The following PLEKHN1 variants were observed in gnomAD, a reference collection of about 807,000 sequenced individuals.
PLEKHN1 encodes pleckstrin homology domain-containing family N member 1.
PLEKHN1 carries 68 observed loss-of-function variants against 72.8 expected under a neutral mutation model. That is an observed-to-expected ratio of 0.93 (90% CI 0.77 to 1.14). The LOEUF is 1.14. Ranked by LOEUF, PLEKHN1 falls within the 50% of genes most tolerant of loss-of-function variation. PLEKHN1 has a pLI of 0.00. For missense variants in PLEKHN1, 1,015 were observed against 840.5 expected (o/e 1.21, Z -2.57); for synonymous variants, 454 against 371.6 (o/e 1.22, Z -2.55).
Position 972,118 on chromosome 1 carries a change from A to G in PLEKHN1, c.833A>G (p.Lys278Arg). 6.2e-7 allele frequency: 1 copy of G among 1,613,126 alleles called. No homozygotes were observed. Among genetic ancestry groups the G allele is most frequent in the Non-Finnish European group, 8.5e-7 (1 of 1,179,894 alleles). The change falls in exon 9 of 16, where the codon AAG becomes AGG. Residue 278 changes from lysine (K) to arginine (R), a missense_variant. Coordinates refer to ENST00000379410, the MANE Select transcript of PLEKHN1 (RefSeq NM_032129.3). ...GCCGTCCACATCAACCTGGAGGAGA[A>G]GGAGAAGCAGATCCGCTCCTTCCTG... ...LRAVHINLEEKEKQIRSFLIE... is the reference protein window; with the variant it reads ...LRAVHINLEEREKQIRSFLIE...
Position 975,636 on chromosome 1 carries a change from G to C in PLEKHN1, c.*1061G>C, listed in dbSNP as rs1415287144. Reference sequence around the variant, plus strand: ...GTGATGGGCCTTGGAGCCCTTGCCAGCCCAGCCCACCTGTGAGGAGGCTGC... The same window carrying C: ...GTGATGGGCCTTGGAGCCCTTGCCACCCCAGCCCACCTGTGAGGAGGCTGC... On this transcript the variant is annotated 3_prime_UTR_variant, in exon 16 of 16. Transcript: ENST00000379410. 1 of 154,874 alleles carries C rather than the reference G, an allele frequency of 6.5e-6. No individual in the cohort carries two copies. The highest frequency in any genetic ancestry group is 1.4e-5 in the Non-Finnish European group (1 of 69,882). 9.6% of individuals were successfully genotyped at this position (154,874 alleles called of 1,614,324 possible). A position where few individuals can be genotyped will look rare whatever the true frequency, so the allele number is the denominator to read the frequency against.
rs141372734 is a variant in PLEKHN1 at position 974,483 on chromosome 1, C to T, written c.1744C>T (p.His582Tyr). ...PRRSRDPGYD[H>Y]LWDETLSSSH... is the part of the protein sequence containing the mutation. ...GAGGAGCCGGGACCCCGGCTACGAC[C>T]ACCTCTGGGACGAGACTTTGTCTTC... The change falls in exon 16 of 16, where the codon CAC becomes TAC. Residue 582 changes from histidine to tyrosine, a missense_variant. His to Tyr is a moderately conservative substitution (Grantham distance 83, BLOSUM62 2). Coordinates refer to ENST00000379410, the MANE Select transcript of PLEKHN1 (RefSeq NM_032129.3). 255 of 1,612,662 alleles carry T rather than the reference C, an allele frequency of 1.6e-4. No individual in the cohort carries two copies. Among genetic ancestry groups the T allele is most frequent in the Non-Finnish European group, 2.1e-4 (246 of 1,179,956 alleles).
chr1:975,537 G>A lies in PLEKHN1; in HGVS notation c.*962G>A, dbSNP rs922168912. On this transcript the variant is annotated 3_prime_UTR_variant, in exon 16 of 16. Transcript: ENST00000379410. ...CCTGCAGGGGCTGCTGCACTGGGGAGGGGCAGGCAGAGCCTTCGCTGTCTC... is the reference window on the plus strand; with the variant it reads ...CCTGCAGGGGCTGCTGCACTGGGGAAGGGCAGGCAGAGCCTTCGCTGTCTC... The A allele has an allele frequency of 6.6e-6, 1 of 152,412 alleles. No homozygotes were observed. The highest frequency in any genetic ancestry group is 2.4e-5 in the African/African-American group (1 of 41,466). 9.4% of individuals were successfully genotyped at this position (152,412 alleles called of 1,614,324 possible).
chr1:970,917 C>T lies in PLEKHN1; in HGVS notation c.523C>T (p.Arg175Trp), dbSNP rs535035223. The T allele has an allele frequency of 2.0e-5, 32 of 1,610,754 alleles. No individual in the cohort carries two copies. Among genetic ancestry groups the T allele is most frequent in the Middle Eastern group, 3.3e-4 (2 of 6,048 alleles). ...ACCCCTCCTGGTGCTCTGCCCCAGC[C>T]GGGCCGAGCTGGACCGCTGGCTTTA... ...PAPLLVLCPS[R>W]AELDRWLYHL... Residue 175 changes from arginine to tryptophan, a missense_variant, in exon 6 of 16, where the codon CGG (arginine) becomes TGG (tryptophan). By Grantham distance (101) the Arg-to-Trp change is moderately radical (BLOSUM62 -3). Transcript: ENST00000379410. This position sits in a 1 kb window ranked among gnomAD's most constrained non-coding sequence, Gnocchi z 4.2.
Position 966,689 on chromosome 1 carries a change from T to C in PLEKHN1, c.84-15T>C, listed in dbSNP as rs116147894. 0.034 allele frequency: 54,295 copies of C among 1,579,238 alleles called. 1,850 individuals carry two copies. The highest frequency in any genetic ancestry group is 0.17 in the African/African-American group (12,903 of 74,182). Reference sequence around the variant, plus strand: ...CTCCGGGGCCAAGCCACGAGACCCCTTGCCTTGTCCCCAGAGAGGACAGCG... The same window carrying C: ...CTCCGGGGCCAAGCCACGAGACCCCCTGCCTTGTCCCCAGAGAGGACAGCG... On this transcript the variant is annotated splice_polypyrimidine_tract_variant and intron_variant, in intron 1 of 15. Transcript: ENST00000379410.
intron 2 of PLEKHN1, among the ~76,000 whole-genome samples, chr1:969,569 TG>T (rs1392430212): frequency 6.6e-6 from 1 of 152,106 alleles, no homozygotes; most frequent in Non-Finnish European, 1.5e-5. Context: ...TACATGTGTA[TG>T]GGTGTATTTG....
chr1:970,970 CG>C lies in PLEKHN1; in HGVS notation c.582del (p.Pro195ArgfsTer13), dbSNP rs1422822361. ...ACCTGGAGAAGCAGACGGCCCTCCT[CG>C]GGGGGCCGCGGCGCTGCCACTCGGC... Reference protein sequence around the residue: ...YHLEKQTALLGGPRRCHSAPP... With the variant: ...YHLEKQTALLXGPRRCHSAPP... On this transcript the variant is annotated frameshift_variant, in exon 6 of 16. Transcript: ENST00000379410. LOFTEE classifies it high-confidence loss of function. This position sits in a 1 kb window ranked among gnomAD's most constrained non-coding sequence, Gnocchi z 4.2. The C allele has an allele frequency of 5.0e-6, 8 of 1,605,246 alleles. No individual in the cohort carries two copies. The highest frequency in any genetic ancestry group is 6.8e-6 in the Non-Finnish European group (8 of 1,176,664).
intron 8 of PLEKHN1, among the ~76,000 whole-genome samples, chr1:971,737 C>T (rs967009132): frequency 2.6e-5 from 4 of 152,150 alleles, no homozygotes; most frequent in Non-Finnish European, 5.9e-5. Context: ...AGGGCGGGCT[C>T]CGGGAAGGGG....
intron 13 of PLEKHN1, 80 bp from the exon 14 acceptor site, chr1:973,753 C>A: frequency 6.4e-7 from 1 of 1,561,582 alleles, no homozygotes; most frequent in South Asian, 1.1e-5. Context: ...AGCCTGAGGT[C>A]TGTTCAGGCT....
In PLEKHN1 at chr1:974,947, G is replaced by A. The variant is rs964798643; in HGVS notation, c.*372G>A. The A allele has an allele frequency of 2.5e-5, 7 of 276,144 alleles. No individual in the cohort carries two copies. In the South Asian group the frequency reaches 3.2e-4, roughly 13 times the overall value. 17.1% of individuals were successfully genotyped at this position (276,144 alleles called of 1,614,324 possible). On this transcript the variant is annotated 3_prime_UTR_variant, in exon 16 of 16. Coordinates refer to ENST00000379410, the MANE Select transcript of PLEKHN1 (RefSeq NM_032129.3). ...GGACAGAGAAAGGTCAGCAGGGTCA[G>A]AGTATGTGAGGTCAGAGGGCATGAG... is the stretch of plus-strand genomic sequence containing the variant.
In PLEKHN1 at chr1:970,717, G is replaced by A. The variant is rs1419797031; in HGVS notation, c.443G>A (p.Cys148Tyr). Residue 148 changes from cysteine (C) to tyrosine (Y), a missense_variant, in exon 5 of 16, where the codon TGC (cysteine) becomes TAC (tyrosine). By Grantham distance (194) the Cys-to-Tyr change is radical. Transcript: ENST00000379410. This position sits in a 1 kb window ranked among gnomAD's most constrained non-coding sequence, Gnocchi z 4.2. Reference protein sequence around the residue: ...GLLPLTELSVCPLEGSREHAF... With the variant: ...GLLPLTELSVYPLEGSREHAF... ...TTACCGCTGACGGAGCTGAGTGTCT[G>A]CCCGCTCGAGGGGTCCCGAGAGCAC... 1 of 1,601,190 alleles carries A rather than the reference G, an allele frequency of 6.2e-7. No homozygotes were observed. Among genetic ancestry groups the A allele is most frequent in the African/African-American group, 1.3e-5 (1 of 74,760 alleles).
chr1:966,921 TA>T, intron 2 of PLEKHN1, 118 bp downstream of exon 2: 1 of 1,137,062 alleles, frequency 8.8e-7, no homozygotes, highest in Non-Finnish European at 1.2e-6. Flanking sequence ...CAGACCCCGG[TA>T]GGTGAGGAGC....
rs1038332150 is a variant in PLEKHN1 at position 970,160 on chromosome 1, T to C, written c.184-117T>C. 9 of 1,111,706 alleles carry C rather than the reference T, an allele frequency of 8.1e-6. No individual in the cohort carries two copies. Among genetic ancestry groups the C allele is most frequent in the Non-Finnish European group, 8.9e-6 (7 of 785,316 alleles). The allele number at this position is 1,111,706 out of a possible 1,614,324, so 68.9% of individuals were successfully genotyped here. On this transcript the variant is annotated intron_variant, in intron 2 of 15. Coordinates refer to ENST00000379410, the MANE Select transcript of PLEKHN1 (RefSeq NM_032129.3). This position sits in a 1 kb window ranked among gnomAD's most constrained non-coding sequence, Gnocchi z 4.2. ...CCTGTGGGGGGCTGTTCTTCACATA[T>C]GTGTTGTGTGGCTATGCACAGGCAG...
At position 970,258 on chromosome 1, in the gene PLEKHN1, T is replaced by C. The variant is rs1034409624; in HGVS notation, c.184-19T>C. On this transcript the variant is annotated intron_variant, in intron 2 of 15. Coordinates refer to ENST00000379410, the MANE Select transcript of PLEKHN1 (RefSeq NM_032129.3). This position sits in a 1 kb window ranked among gnomAD's most constrained non-coding sequence, Gnocchi z 4.2. ...GGGGCCCAGGGGAGGCCCCCTCCCC[T>C]GAGCTCTACTCCTCCTAGGACATCC... 3.0e-5 allele frequency: 48 copies of C among 1,611,268 alleles called. No homozygotes were observed. The highest frequency in any genetic ancestry group is 4.1e-5 in the Non-Finnish European group (48 of 1,179,022).
chr1:967,258 C>T (rs943611079), intron 2 of PLEKHN1, among the ~76,000 whole-genome samples: 2 of 152,280 alleles, frequency 1.3e-5, no homozygotes, highest in South Asian at 2.1e-4. Flanking sequence ...CACAGCAATC[C>T]CTCTGTGCAC....
In PLEKHN1 at chr1:966,841, G is replaced by C. The variant is rs746602142; in HGVS notation, c.183+38G>C. ...TGCACGGTGGCTGTGGTCTGGGAGC[G>C]TGGCTCTGCCCGCGCGTGTGTGCCG... is the stretch of plus-strand genomic sequence containing the variant. On this transcript the variant is annotated intron_variant, in intron 2 of 15. Coordinates refer to ENST00000379410, the MANE Select transcript of PLEKHN1 (RefSeq NM_032129.3). 3.9e-6 allele frequency: 6 copies of C among 1,523,694 alleles called. No homozygotes were observed. The East Asian group carries it at 1.5e-4, about 38-fold the overall frequency. 94.4% of individuals were successfully genotyped at this position (1,523,694 alleles called of 1,614,324 possible). A position where few individuals can be genotyped will look rare whatever the true frequency, so the allele number is the denominator to read the frequency against.
Position 966,633 on chromosome 1 carries a change from C to T in PLEKHN1, c.83+19C>T, listed in dbSNP as rs756949900. ...GAAACAGGTGAGCGGGGCGTGGGTGCGGCCACCTGGGCGCAGGGCTCCCCC... is the reference window on the plus strand; with the variant it reads ...GAAACAGGTGAGCGGGGCGTGGGTGTGGCCACCTGGGCGCAGGGCTCCCCC... On this transcript the variant is annotated intron_variant, in intron 1 of 15. Coordinates refer to ENST00000379410, the MANE Select transcript of PLEKHN1 (RefSeq NM_032129.3). The T allele has an allele frequency of 1.2e-5, 19 of 1,601,938 alleles. No individual in the cohort carries two copies. The highest frequency in any genetic ancestry group is 1.4e-5 in the Non-Finnish European group (17 of 1,173,378).
intron 6 of PLEKHN1, 22 bp downstream of exon 6, chr1:971,028 C>A (rs779713293): frequency 1.0e-6 from 1 of 965,630 alleles, no homozygotes; most frequent in East Asian, 2.5e-5. Flanking sequence ...GGACCCCACC[C>A]CCCTCCCCAC....
rs533063349 is a variant in PLEKHN1 at position 973,138 on chromosome 1, G to A, written c.1153-48G>A. On this transcript the variant is annotated intron_variant, in intron 11 of 15. Transcript: ENST00000379410. ...CCCTTGCAGCCTCAGAGAGTTGCAC[G>A]GGAGAGGGGCCAAAGGGCTCTTCCT... 147 of 1,496,404 alleles carry A rather than the reference G, an allele frequency of 9.8e-5. No homozygotes were observed. In the African/African-American group the frequency reaches 1.2e-3, roughly 12 times the overall value. The allele number at this position is 1,496,404 out of a possible 1,614,324, so 92.7% of individuals were successfully genotyped here.
Sources: gnomAD v4.1 joint callset for allele counts (sites outside exome capture counted in the v4.1 genomes callset) on GRCh38, gnomAD v4.1.1 for gene constraint, Gnocchi (gnomAD v3.1) non-coding constraint, MANE v1.5 for transcripts, NCBI Gene and HGNC (gene_info 2026-07-23, HGNC 2026-07-21) for gene names.